Variants in C8orf34 observed in about 807,000 individuals in gnomAD.
The protein encoded by C8orf34 is uncharacterized protein C8orf34.
Under a neutral mutation model 68.3 loss-of-function variants are expected in C8orf34, and 65 were observed. The observed-to-expected ratio is 0.95, with a 90% CI of 0.78 to 1.17. The LOEUF is 1.17. C8orf34 is among the 50% of genes most tolerant of loss of function. The pLI is 0.00. For missense variants in C8orf34, 664 were observed against 655.4 expected, an observed-to-expected ratio of 1.01 and a Z score of -0.14; for synonymous variants, 244 against 241.2, an observed-to-expected ratio of 1.01 and a Z score of -0.11.
chr8:68,707,891 G>C (rs1391411828), intron 8 of C8orf34, among the ~76,000 whole-genome samples: 1 of 152,144 alleles, frequency 6.6e-6, no homozygotes, highest in East Asian at 1.9e-4. Context: ...TGGACAAAGA[G>C]AGCTCAAAAC....
chr8:68,762,224 G>A (rs1007095812), intron 10 of C8orf34, among the ~76,000 whole-genome samples: 1 of 152,180 alleles, frequency 6.6e-6, no homozygotes, highest in Non-Finnish European at 1.5e-5. Context: ...TCCTACCAGA[G>A]TAAAGAAAAC....
At chr8:68,465,070 C>G (rs1397985387) in intron 3 of C8orf34, among the ~76,000 whole-genome samples, 1 of 151,894 alleles carries the variant, frequency 6.6e-6, no homozygotes, top group Admixed American at 6.6e-5. Context: ...GGGCTAATAT[C>G]CAGAATCTAC....
intron 10 of C8orf34, among the ~76,000 whole-genome samples, chr8:68,726,809 G>C (rs1055727381): frequency 2.6e-5 from 4 of 151,794 alleles, no homozygotes; most frequent in African/African-American, 9.7e-5. Flanking sequence ...TCACTATCAC[G>C]AGAATAGCAC....
intron 5 of C8orf34, among the ~76,000 whole-genome samples, chr8:68,514,698 A>C (rs1382123867): frequency 6.6e-6 from 1 of 152,272 alleles, no homozygotes; most frequent in East Asian, 1.9e-4. Context: ...ATAGCGTATA[A>C]TTTGCTTTTC....
At chr8:68,340,835 A>G (rs1220619793) in intron 1 of C8orf34, among the ~76,000 whole-genome samples, 3 of 152,170 alleles carry the variant, frequency 2.0e-5, no homozygotes, top group African/African-American at 7.2e-5. Context: ...CCAGACAAAA[A>G]CTGTACAAAA....
At chr8:68,519,132 C>T (rs1200797453) in intron 5 of C8orf34, among the ~76,000 whole-genome samples, 1 of 152,136 alleles carries the variant, frequency 6.6e-6, no homozygotes, top group Non-Finnish European at 1.5e-5. Flanking sequence ...ATAGAAGTGA[C>T]TGTTCGAAGT....
At chr8:68,431,712 G>C (rs753473134) in intron 1 of C8orf34, among the ~76,000 whole-genome samples, 2 of 152,184 alleles carry the variant, frequency 1.3e-5, no homozygotes, top group African/African-American at 2.4e-5. Context: ...GTAGGCATCA[G>C]ACAAAATATT....
chr8:68,802,920 C>T (rs1824374038), intron 12 of C8orf34, among the ~76,000 whole-genome samples: 1 of 152,036 alleles, frequency 6.6e-6, no homozygotes, highest in Non-Finnish European at 1.5e-5. Flanking sequence ...TCAAATGTAA[C>T]ACAGAACTTT....
intron 12 of C8orf34, among the ~76,000 whole-genome samples, chr8:68,798,880 C>T (rs949219519): frequency 1.4e-4 from 22 of 152,166 alleles, no homozygotes; most frequent in Admixed American, 8.5e-4. Context: ...AACTTAATCT[C>T]ACCACATAAA....
rs117263458 is a variant in C8orf34 at position 68,566,137 on chromosome 8, G to C, written c.1105+32988G>C. On this transcript the variant is annotated intron_variant, in intron 7 of 13. Transcript: ENST00000518698. ...TTGTAAAGTTGTGTTTTTAATTTTG[G>C]ATATAATTATATCAAACACTTTTTA... Among the ~76,000 whole-genome samples, 835 of 152,112 alleles carry C rather than the reference G, an allele frequency of 5.5e-3. 2 individuals carry two copies. Among genetic ancestry groups the C allele is most frequent in the Non-Finnish European group, 7.2e-3 (487 of 68,000 alleles).
At chr8:68,414,900 C>T (rs780289711) in intron 1 of C8orf34, among the ~76,000 whole-genome samples, 1 of 152,126 alleles carries the variant, frequency 6.6e-6, no homozygotes, top group Non-Finnish European at 1.5e-5. Flanking sequence ...TCATGTGGCT[C>T]TTGAGAAGCT....
chr8:68,751,573 A>G (rs1822710255), intron 10 of C8orf34, among the ~76,000 whole-genome samples: 1 of 152,126 alleles, frequency 6.6e-6, no homozygotes, highest in African/African-American at 2.4e-5. Flanking sequence ...ACTCTTATAC[A>G]CCACACAGTA....
intron 7 of C8orf34, among the ~76,000 whole-genome samples, chr8:68,602,458 T>C (rs961633464): frequency 2.6e-5 from 4 of 152,066 alleles, no homozygotes; most frequent in African/African-American, 4.8e-5. Context: ...AAATGAGAGC[T>C]GAGTGAAGGG....
chr8:68,717,462 C>T (rs933038618), intron 9 of C8orf34, among the ~76,000 whole-genome samples: 3 of 148,156 alleles, frequency 2.0e-5, no homozygotes, highest in African/African-American at 5.0e-5. Flanking sequence ...CACTGCCCTA[C>T]AGCCTGGGCG....
intron 3 of C8orf34, among the ~76,000 whole-genome samples, chr8:68,464,920 C>G (rs1045360181): frequency 6.6e-6 from 1 of 151,844 alleles, no homozygotes; most frequent in African/African-American, 2.4e-5. Flanking sequence ...ACACCAAAAG[C>G]AATGGCAACA....
intron 5 of C8orf34, among the ~76,000 whole-genome samples, chr8:68,494,344 T>A (rs549304438): frequency 6.6e-6 from 1 of 152,278 alleles, no homozygotes; most frequent in Non-Finnish European, 1.5e-5. Flanking sequence ...AGAAACAGTG[T>A]AACAGTGGTT....
intron 1 of C8orf34, among the ~76,000 whole-genome samples, chr8:68,339,144 A>C (rs1403426346): frequency 1.3e-5 from 2 of 152,072 alleles, no homozygotes; most frequent in Admixed American, 6.6e-5. Flanking sequence ...TTTCATATAA[A>C]AATACCTGCT....
chr8:68,452,590 A>G (rs907056223), intron 3 of C8orf34, among the ~76,000 whole-genome samples: 1 of 150,374 alleles, frequency 6.7e-6, no homozygotes, highest in African/African-American at 2.4e-5. Context: ...CTATTCATAC[A>G]CTTAGCTCAT....
At chr8:68,641,579 C>G (rs2130739928) in intron 8 of C8orf34, among the ~76,000 whole-genome samples, 1 of 152,274 alleles carries the variant, frequency 6.6e-6, no homozygotes, top group South Asian at 2.1e-4. Flanking sequence ...CCTGAGTGAA[C>G]ACAGTCATCA....
Sources: allele counts gnomAD v4.1 joint callset (sites outside exome capture counted in the v4.1 genomes callset), GRCh38; gene constraint gnomAD v4.1.1; transcripts MANE v1.5; gene names NCBI Gene and HGNC (gene_info 2026-07-23, HGNC 2026-07-21).